Variants in THSD7A observed in about 807,000 individuals in gnomAD.
THSD7A encodes the protein thrombospondin type 1 domain containing 7A.
Under a neutral mutation model 231.3 loss-of-function variants are expected in THSD7A, and 96 were observed. The observed-to-expected ratio is 0.41, with a 90% CI of 0.35 to 0.49. The LOEUF is 0.49. THSD7A is among the 20% of genes least tolerant of loss of function. THSD7A has a pLI of 0.05. For missense variants in THSD7A, 2,290 were observed against 2,070.2 expected (o/e 1.11, Z -2.06); for synonymous variants, 940 against 743.3 (o/e 1.26, Z -4.30).
chr7:11,423,266 C>A (rs1391287902), intron 16 of THSD7A, among the ~76,000 whole-genome samples: 1 of 152,140 alleles, frequency 6.6e-6, no homozygotes, highest in African/African-American at 2.4e-5. Context: ...TTAACTTGTT[C>A]TGCTTTCCTA....
At chr7:11,517,019 T>G (rs1372718960) in intron 6 of THSD7A, among the ~76,000 whole-genome samples, 1 of 148,680 alleles carries the variant, frequency 6.7e-6, no homozygotes, top group Non-Finnish European at 1.5e-5. Flanking sequence ...CGCATTGCCA[T>G]CTGTCACATT....
chr7:11,730,392 TCTTC>T (rs1344277932), intron 1 of THSD7A, among the ~76,000 whole-genome samples: 1 of 151,562 alleles, frequency 6.6e-6, no homozygotes, highest in Non-Finnish European at 1.5e-5. Context: ...AACTTCACAA[TCTTC>T]CTTTTTTCTT....
rs7792376 is a variant in THSD7A, at chr7:11,760,568, C to G, written c.190+71189G>C. Among the ~76,000 whole-genome samples the G allele has an allele frequency of 1.0e-2, 1,517 of 152,102 alleles. 20 individuals are homozygous for G. Among genetic ancestry groups the G allele is most frequent in the African/African-American group, 0.034 (1,413 of 41,510 alleles). The stretch of plus-strand genomic sequence containing the variant: ...TTCGCTGAGCTTCCAGGAACAATTG[C>G]AGAACACCAGCCTCACAGGATGCCA... On this transcript the variant is annotated intron_variant, in intron 1 of 27. Transcript: ENST00000423059.
intron 1 of THSD7A, among the ~76,000 whole-genome samples, chr7:11,655,722 C>T (rs566760262): frequency 6.6e-6 from 1 of 152,000 alleles, no homozygotes; most frequent in African/African-American, 2.4e-5. Flanking sequence ...CAAATGACCT[C>T]ATATCCATTT....
intron 6 of THSD7A, among the ~76,000 whole-genome samples, chr7:11,497,920 T>C (rs552517876): frequency 9.4e-4 from 143 of 152,204 alleles, no homozygotes; most frequent in African/African-American, 3.0e-3. Flanking sequence ...CGGGAAACCA[T>C]GCTTCCCCCA....
chr7:11,513,517 G>C (rs764731443), intron 6 of THSD7A, among the ~76,000 whole-genome samples: 1 of 152,032 alleles, frequency 6.6e-6, no homozygotes, highest in Admixed American at 6.6e-5. Context: ...CCTTGAAAAC[G>C]TTATGGTAAC....
chr7:11,590,670 A>G lies in THSD7A; in HGVS notation c.1272-29T>C. ...AATAAAGACAACACCACCAGCAGCAACCATAATTATTGAATGACGTGTTTC... is the reference window on the plus strand; with the variant it reads ...AATAAAGACAACACCACCAGCAGCAGCCATAATTATTGAATGACGTGTTTC... On this transcript the variant is annotated intron_variant, in intron 3 of 27. Transcript: ENST00000423059. The surrounding 1 kb of genome is among the most constrained non-coding windows in gnomAD (Gnocchi z 4.4). 7 of 1,570,170 alleles carry G rather than the reference A, an allele frequency of 4.5e-6. No homozygotes were observed. The highest frequency in any genetic ancestry group is 6.0e-6 in the Non-Finnish European group (7 of 1,159,022).
chr7:11,716,034 G>T (rs1041793172), intron 1 of THSD7A, among the ~76,000 whole-genome samples: 3 of 151,612 alleles, frequency 2.0e-5, no homozygotes, highest in Admixed American at 2.0e-4. Context: ...ACTTGATAAC[G>T]ATGTCAGTGA....
intron 8 of THSD7A, among the ~76,000 whole-genome samples, chr7:11,473,913 A>G (rs1012549300): frequency 1.3e-5 from 2 of 152,156 alleles, no homozygotes; most frequent in Non-Finnish European, 2.9e-5. Flanking sequence ...TGAAAGGCAG[A>G]TCATACAAGG....
chr7:11,555,665 C>T lies in THSD7A; in HGVS notation c.1454-12548G>A, dbSNP rs1789814264. Among the ~76,000 whole-genome samples the T allele has an allele frequency of 4.6e-5, 7 of 151,866 alleles. No homozygotes were observed. In the South Asian group the frequency reaches 1.5e-3, roughly 31 times the overall value. ...TGTTGGGAGTAAGGTATTGTCATTT[C>T]CAACTACAATTATCTATTTGTCAAT... On this transcript the variant is annotated intron_variant, in intron 4 of 27. Coordinates refer to ENST00000423059, the MANE Select transcript of THSD7A (RefSeq NM_015204.3).
intron 1 of THSD7A, among the ~76,000 whole-genome samples, chr7:11,764,355 G>T (rs1450752310): frequency 2.6e-5 from 4 of 152,158 alleles, no homozygotes; most frequent in Non-Finnish European, 4.4e-5. Context: ...GCCGAGGCGG[G>T]TGGATCACGA....
chr7:11,699,151 C>T (rs1218789034), intron 1 of THSD7A, among the ~76,000 whole-genome samples: 1 of 150,956 alleles, frequency 6.6e-6, no homozygotes, highest in East Asian at 2.0e-4. Context: ...TAGATGTTGA[C>T]CTTGAGGCAC....
At chr7:11,561,794 G>C (rs1041068999) in intron 4 of THSD7A, among the ~76,000 whole-genome samples, 1 of 152,168 alleles carries the variant, frequency 6.6e-6, no homozygotes, top group Non-Finnish European at 1.5e-5. Context: ...AGAGGTTGCA[G>C]TGAGGGAGGT....
rs540047847 is a variant in THSD7A, at chr7:11,460,559, C to G, written c.2605+103G>C. The G allele has an allele frequency of 3.3e-5, 27 of 826,060 alleles. No homozygotes were observed. The African/African-American group carries it at 4.7e-4, about 14-fold the overall frequency. The allele number at this position is 826,060 out of a possible 1,614,324, so 51.2% of individuals were successfully genotyped here. On this transcript the variant is annotated intron_variant, in intron 11 of 27. Coordinates refer to ENST00000423059, the MANE Select transcript of THSD7A (RefSeq NM_015204.3). ...ATGGCTCATAGCAGATTTATATCTG[C>G]TTTGCTCTGTTTGCTAAGCATGGTG...
intron 6 of THSD7A, among the ~76,000 whole-genome samples, chr7:11,535,877 T>G (rs1452280654): frequency 6.6e-6 from 1 of 152,126 alleles, no homozygotes; most frequent in African/African-American, 2.4e-5. Context: ...TTTAGGTGAG[T>G]TTCCATTCTA....
At chr7:11,558,710 A>T (rs1384525647) in intron 4 of THSD7A, among the ~76,000 whole-genome samples, 1 of 152,228 alleles carries the variant, frequency 6.6e-6, no homozygotes, top group Non-Finnish European at 1.5e-5. Context: ...CAGAGAAAAT[A>T]TCAAATAGGA....
At chr7:11,566,847 G>GA (rs1203109573) in intron 4 of THSD7A, among the ~76,000 whole-genome samples, 4 of 151,690 alleles carry the variant, frequency 2.6e-5, no homozygotes, top group African/African-American at 9.7e-5. Context: ...ATTTGTCATT[G>GA]AAAATCTCAA....
intron 9 of THSD7A, 138 bp from the exon 10 acceptor site, chr7:11,462,281 AT>A: frequency 6.3e-6 from 5 of 794,988 alleles, no homozygotes; most frequent in Non-Finnish European, 9.2e-6. Flanking sequence ...TGGTCTAAAC[AT>A]TCACTAAATT....
chr7:11,381,620 A>G (rs1782520079), intron 24 of THSD7A, among the ~76,000 whole-genome samples: 1 of 152,166 alleles, frequency 6.6e-6, no homozygotes, highest in Non-Finnish European at 1.5e-5. Context: ...CTGCCTGAGC[A>G]GTTAACTGTC....
Sources: gnomAD v4.1 joint callset for allele counts (sites outside exome capture counted in the v4.1 genomes callset) on GRCh38, gnomAD v4.1.1 for gene constraint, Gnocchi (gnomAD v3.1) non-coding constraint, MANE v1.5 for transcripts, NCBI Gene and HGNC (gene_info 2026-07-23, HGNC 2026-07-21) for gene names.